ZNF521: variants seen among roughly 807,000 people sequenced by gnomAD.
ZNF521 encodes zinc finger protein 521.
Under a neutral mutation model 105.5 loss-of-function variants are expected in ZNF521, and 14 were observed. That is an observed-to-expected ratio of 0.13 (90% CI 0.09 to 0.21). The LOEUF (loss-of-function observed/expected upper bound fraction) is 0.21. ZNF521 is among the 10% of genes least tolerant of loss of function. The pLI, the probability that ZNF521 is intolerant of heterozygous loss-of-function variation, is 1.00. For synonymous variants in ZNF521, 635 were observed against 606.0 expected (o/e 1.05, Z -0.70); for missense variants, 1,233 against 1,629.7 (o/e 0.76, Z 4.19).
chr18:25,165,289 C>T (rs551631573), intron 5 of ZNF521, among the ~76,000 whole-genome samples: 28 of 152,298 alleles, frequency 1.8e-4, no homozygotes, highest in Non-Finnish European at 3.7e-4. Context: ...GCCCTGCAGG[C>T]TCTTGTCTTC....
chr18:25,169,640 G>A (rs1254899310), intron 5 of ZNF521, among the ~76,000 whole-genome samples: 2 of 151,922 alleles, frequency 1.3e-5, no homozygotes, highest in African/African-American at 2.4e-5. Flanking sequence ...TGGTAAAATC[G>A]GTATCTCTTA....
At chr18:25,180,077 GT>G (rs530301429) in intron 5 of ZNF521, among the ~76,000 whole-genome samples, 70 of 152,160 alleles carry the variant, frequency 4.6e-4, no homozygotes, top group Admixed American at 1.8e-3. Context: ...TTTAGAGAAA[GT>G]TAAAAAAACT....
At chr18:25,173,042 T>C (rs1166973765) in intron 5 of ZNF521, among the ~76,000 whole-genome samples, 1 of 152,228 alleles carries the variant, frequency 6.6e-6, no homozygotes, top group East Asian at 1.9e-4. Context: ...CGCAAAGTAT[T>C]CTATACTCTT....
At chr18:25,087,862 A>C (rs571539542) in intron 7 of ZNF521, among the ~76,000 whole-genome samples, 1 of 152,122 alleles carries the variant, frequency 6.6e-6, no homozygotes, top group Non-Finnish European at 1.5e-5. Context: ...AATGGGCTCA[A>C]GCATTCTTTC....
chr18:25,090,438 G>T (rs1480218602), intron 6 of ZNF521, among the ~76,000 whole-genome samples: 1 of 152,110 alleles, frequency 6.6e-6, no homozygotes, highest in Non-Finnish European at 1.5e-5. Context: ...TTGTTCTTGT[G>T]AGTCATACAT....
chr18:25,086,003 C>A (rs997175454), intron 7 of ZNF521, among the ~76,000 whole-genome samples: 1 of 152,022 alleles, frequency 6.6e-6, no homozygotes, highest in African/African-American at 2.4e-5. Context: ...AATAGGATTG[C>A]AGTTCTTAGA....
At chr18:25,103,303 T>A (rs1567962745) in intron 5 of ZNF521, among the ~76,000 whole-genome samples, 1 of 152,190 alleles carries the variant, frequency 6.6e-6, no homozygotes, top group Admixed American at 6.5e-5. Context: ...ATGATTTGCT[T>A]AAACTGTTAC....
intron 2 of ZNF521, among the ~76,000 whole-genome samples, chr18:25,326,339 C>A (rs937890859): frequency 2.0e-5 from 3 of 152,144 alleles, no homozygotes; most frequent in Non-Finnish European, 4.4e-5. Flanking sequence ...TCCTTCCAAG[C>A]CACTTTTGCA....
At chr18:25,290,607 C>CTTT (rs35687026) in intron 3 of ZNF521, among the ~76,000 whole-genome samples, 119 of 116,150 alleles carry the variant, frequency 1.0e-3, no homozygotes, top group East Asian at 1.2e-3. Context: ...AGGCCATATT[C>CTTT]TTTTTTTTTT....
At chr18:25,342,630 G>A (rs1474892541) in intron 2 of ZNF521, among the ~76,000 whole-genome samples, 13 of 151,058 alleles carry the variant, frequency 8.6e-5, no homozygotes, top group African/African-American at 1.5e-4. Flanking sequence ...GGGTTTCACC[G>A]TGTTAGCCAG....
chr18:25,125,952 G>A (rs778108824), intron 5 of ZNF521, among the ~76,000 whole-genome samples: 123 of 152,002 alleles, frequency 8.1e-4, no homozygotes, highest in Non-Finnish European at 1.4e-3. Flanking sequence ...GCTTTTTGGC[G>A]TCAGAATATT....
At chr18:25,128,316 T>C (rs902567481) in intron 5 of ZNF521, among the ~76,000 whole-genome samples, 5 of 151,930 alleles carry the variant, frequency 3.3e-5, no homozygotes, top group African/African-American at 1.2e-4. Context: ...GGTAACTGCT[T>C]CAATTTCATG....
intron 5 of ZNF521, among the ~76,000 whole-genome samples, chr18:25,170,437 C>T (rs1225921376): frequency 6.6e-6 from 1 of 152,100 alleles, no homozygotes; most frequent in East Asian, 1.9e-4. Context: ...TTCCGTAGAG[C>T]CAGACTGCAA....
chr18:25,249,648 G>C (rs1907975189), intron 3 of ZNF521, among the ~76,000 whole-genome samples: 1 of 152,072 alleles, frequency 6.6e-6, no homozygotes, highest in Admixed American at 6.5e-5. Flanking sequence ...CTTTAGTAGA[G>C]ATGGGGTTTT....
intron 3 of ZNF521, among the ~76,000 whole-genome samples, chr18:25,314,453 T>C (rs751598906): frequency 6.6e-6 from 1 of 152,206 alleles, no homozygotes; most frequent in Non-Finnish European, 1.5e-5. Flanking sequence ...AAAAATTGTA[T>C]GAAGCTTCCA....
intron 5 of ZNF521, among the ~76,000 whole-genome samples, chr18:25,098,778 C>A (rs745343204): frequency 4.6e-5 from 7 of 152,056 alleles, no homozygotes; most frequent in Non-Finnish European, 8.8e-5. Context: ...TCATTTATAC[C>A]CACTTGAATA....
chr18:25,112,433 G>A (rs1250684297), intron 5 of ZNF521, among the ~76,000 whole-genome samples: 3 of 152,086 alleles, frequency 2.0e-5, no homozygotes, highest in Non-Finnish European at 4.4e-5. Context: ...TTATATTTAA[G>A]TGCTGACTCT....
At chr18:25,254,454 A>G (rs1165016536) in intron 3 of ZNF521, among the ~76,000 whole-genome samples, 1 of 152,132 alleles carries the variant, frequency 6.6e-6, no homozygotes, top group Non-Finnish European at 1.5e-5. Flanking sequence ...TTTTAAATCA[A>G]ATTCTCACCT....
chr18:25,126,631 C>T (rs561734539), intron 5 of ZNF521, among the ~76,000 whole-genome samples: 1 of 152,138 alleles, frequency 6.6e-6, no homozygotes, highest in South Asian at 2.1e-4. Flanking sequence ...CCACATACAA[C>T]CATTCTAGAA....
Sources: allele counts gnomAD v4.1 joint callset (sites outside exome capture counted in the v4.1 genomes callset), GRCh38; gene constraint gnomAD v4.1.1; transcripts MANE v1.5; gene names NCBI Gene and HGNC (gene_info 2026-07-23, HGNC 2026-07-21).